Variants in TENM3 observed in about 807,000 individuals in gnomAD.
TENM3 encodes the protein teneurin transmembrane protein 3.
In TENM3, 63 loss-of-function variants were observed where a neutral mutation model predicts 255.1. The observed-to-expected ratio is 0.25, with a 90% CI of 0.20 to 0.30. The LOEUF (loss-of-function observed/expected upper bound fraction) is 0.30. TENM3 is among the 10% of genes least tolerant of loss of function. TENM3 has a pLI of 1.00. For synonymous variants in TENM3, 1,306 were observed against 1,322.3 expected, an observed-to-expected ratio of 0.99 and a Z score of 0.27; for missense variants, 2,929 against 3,461.1, an observed-to-expected ratio of 0.85 and a Z score of 3.86.
At chr4:181,605,578 AAGAAAG>A in the TENM3 span, among the ~76,000 whole-genome samples, 51 of 28,040 alleles carry the variant, frequency 1.8e-3, 6 homozygotes, top group East Asian at 5.9e-3. Context: ...AAGAGAGAGA[AAGAAAG>A]GAAAGAAAGA....
At chr4:181,488,232 G>A in the TENM3 span, among the ~76,000 whole-genome samples, 28 of 152,274 alleles carry the variant, frequency 1.8e-4, no homozygotes, top group East Asian at 3.3e-3. Flanking sequence ...TTCTATACAC[G>A]TCATACACTA....
the TENM3 span, among the ~76,000 whole-genome samples, chr4:181,765,885 A>C: frequency 6.6e-6 from 1 of 152,322 alleles, no homozygotes; most frequent in African/African-American, 2.4e-5. Flanking sequence ...GCACTAGTGT[A>C]ATTTACCATA....
At chr4:181,958,709 A>G in the TENM3 span, among the ~76,000 whole-genome samples, 8 of 152,268 alleles carry the variant, frequency 5.3e-5, no homozygotes, top group African/African-American at 1.9e-4. Context: ...GTTGATCCCC[A>G]AGAGAAAACT....
At chr4:182,623,276 G>A (rs748756234) in intron 4 of TENM3, among the ~76,000 whole-genome samples, 21 of 151,678 alleles carry the variant, frequency 1.4e-4, no homozygotes, top group Non-Finnish European at 2.5e-4. Flanking sequence ...GCCTCCCTAA[G>A]TGCTGGGATT....
chr4:182,746,835 T>C (rs1762044135), intron 19 of TENM3, among the ~76,000 whole-genome samples: 3 of 152,198 alleles, frequency 2.0e-5, no homozygotes, highest in African/African-American at 7.2e-5. Flanking sequence ...GTAGAGAATG[T>C]GTAAGGTCTT....
At chr4:182,722,942 G>A (rs1039647942) in intron 13 of TENM3, among the ~76,000 whole-genome samples, 11 of 152,320 alleles carry the variant, frequency 7.2e-5, no homozygotes, top group East Asian at 1.9e-4. Context: ...CCAGGATAAC[G>A]TTCAGGTTTC....
chr4:182,567,806 A>T (rs968376805), intron 3 of TENM3, among the ~76,000 whole-genome samples: 3 of 148,914 alleles, frequency 2.0e-5, no homozygotes, highest in East Asian at 2.0e-4. Context: ...CTTTGTAATT[A>T]TATTATTAAT....
chr4:181,720,760 C>A, the TENM3 span, among the ~76,000 whole-genome samples: 1 of 151,828 alleles, frequency 6.6e-6, no homozygotes, highest in African/African-American at 2.4e-5. Flanking sequence ...AATGTCAAAT[C>A]TGTGAAATAA....
chr4:182,219,647 A>G (rs1755728451), intron 1 of TENM3, among the ~76,000 whole-genome samples: 1 of 152,170 alleles, frequency 6.6e-6, no homozygotes, highest in South Asian at 2.1e-4. Context: ...CCTGGGCTAC[A>G]GTGAGACCCA....
At chr4:182,190,219 C>G (rs183527200) in intron 1 of TENM3, 2 of 152,228 alleles carry the variant, frequency 1.3e-5, no homozygotes, top group East Asian at 3.9e-4. Flanking sequence ...AATTCTAGAT[C>G]TCTGGAAGGG....
intron 3 of TENM3, among the ~76,000 whole-genome samples, chr4:182,372,455 A>G (rs1766891397): frequency 6.6e-6 from 1 of 152,212 alleles, no homozygotes. Flanking sequence ...TAAGCTTTAA[A>G]TATATCATAA....
At chr4:181,696,388 G>T in the TENM3 span, among the ~76,000 whole-genome samples, 4 of 151,966 alleles carry the variant, frequency 2.6e-5, no homozygotes, top group African/African-American at 9.7e-5. Context: ...TTGACCAAAG[G>T]GGACATTGTC....
chr4:182,681,714 C>A, intron 10 of TENM3, 100 bp from the exon 11 acceptor site: 3 of 861,574 alleles, frequency 3.5e-6, no homozygotes, highest in Admixed American at 3.0e-5. Context: ...ATTTGATTTT[C>A]CAAAATGTTC....
the TENM3 span, among the ~76,000 whole-genome samples, chr4:181,803,871 G>A: frequency 2.7e-5 from 4 of 149,248 alleles, no homozygotes; most frequent in South Asian, 6.3e-4. Context: ...GGAGGTCAGC[G>A]CTGCAGTGAG....
At chr4:182,191,214 T>C (rs1458838682) in intron 1 of TENM3, among the ~76,000 whole-genome samples, 4 of 152,210 alleles carry the variant, frequency 2.6e-5, no homozygotes, top group Admixed American at 1.3e-4. Flanking sequence ...TACGTAAAGA[T>C]TGAGTCCAAA....
rs190677365 is a variant in TENM3 at position 182,516,528 on chromosome 4, C to A, written c.512-84396C>A. 1.3e-4 allele frequency among the ~76,000 whole-genome samples: 20 copies of A among 152,080 alleles called. No individual in the cohort carries two copies. The East Asian group carries it at 3.7e-3, about 28-fold the overall frequency. On this transcript the variant is annotated intron_variant, in intron 3 of 27. Coordinates refer to ENST00000511685, the MANE Select transcript of TENM3 (RefSeq NM_001080477.4). ...TTAGGGTTCTTTTTCAAAGTTATTA[C>A]GAATTTTTTTTAGAGTTGGCTGTAC...
chr4:181,574,423 C>T, the TENM3 span, among the ~76,000 whole-genome samples: 25 of 151,066 alleles, frequency 1.7e-4, no homozygotes, highest in Non-Finnish European at 3.4e-4. Context: ...CCCAGCTACT[C>T]GGGAGGCTGA....
the TENM3 span, among the ~76,000 whole-genome samples, chr4:181,770,562 C>A: frequency 6.7e-6 from 1 of 149,844 alleles, no homozygotes; most frequent in Non-Finnish European, 1.5e-5. Context: ...GTAGTCCCAG[C>A]TACTTGGGAG....
the TENM3 span, among the ~76,000 whole-genome samples, chr4:181,656,488 C>T: frequency 6.6e-6 from 1 of 152,118 alleles, no homozygotes; most frequent in Non-Finnish European, 1.5e-5. Flanking sequence ...ATAGAATAGG[C>T]AATGGTGTGA....
Sources: gnomAD v4.1 joint callset for allele counts (sites outside exome capture counted in the v4.1 genomes callset) on GRCh38, gnomAD v4.1.1 for gene constraint, MANE v1.5 for transcripts, NCBI Gene and HGNC (gene_info 2026-07-23, HGNC 2026-07-21) for gene names.